The following TM9SF2 variants were observed in gnomAD, a reference collection of about 807,000 sequenced individuals.
TM9SF2 encodes transmembrane 9 superfamily member 2, also known as 76 kDa membrane protein.
A neutral mutation model predicts 84.9 loss-of-function variants in TM9SF2; 13 were observed. That is an observed-to-expected ratio of 0.15 (90% CI 0.10 to 0.24). The LOEUF is 0.24. Among genes scored for constraint, TM9SF2 ranks in the 10% least tolerant of loss-of-function variants. The pLI is 1.00. For synonymous variants in TM9SF2, 273 were observed against 285.8 expected, an observed-to-expected ratio of 0.96 and a Z score of 0.45; for missense variants, 562 against 818.5, an observed-to-expected ratio of 0.69 and a Z score of 3.82.
At chr13:99,551,790 A>G (rs1198790081) in intron 12 of TM9SF2, among the ~76,000 whole-genome samples, 1 of 152,244 alleles carries the variant, frequency 6.6e-6, no homozygotes, top group African/African-American at 2.4e-5. Context: ...TGCAGGTCAA[A>G]TGAAAACCAA....
chr13:99,548,811 A>C (rs1234223283), intron 11 of TM9SF2, among the ~76,000 whole-genome samples: 1 of 152,216 alleles, frequency 6.6e-6, no homozygotes, highest in African/African-American at 2.4e-5. Context: ...ACAAATTCTG[A>C]AACTGACTGC....
At position 99,501,569 on chromosome 13, in the gene TM9SF2, C is replaced by A. The variant is rs200234365; in HGVS notation, c.-38C>A. 8 of 1,598,858 alleles carry A rather than the reference C, an allele frequency of 5.0e-6. No homozygotes were observed. In the African/African-American group the frequency reaches 6.8e-5, roughly 14 times the overall value. On this transcript the variant is annotated 5_prime_UTR_variant, in exon 1 of 17. Transcript: ENST00000376387. The stretch of plus-strand genomic sequence containing the variant: ...TCCCCACCCCTCCTTCCCTCTTGAC[C>A]CCCTAGGTTTGATTGCCCTTTCCCC...
At chr13:99,557,016 T>C (rs1555341261) in intron 15 of TM9SF2, among the ~76,000 whole-genome samples, 1 of 152,232 alleles carries the variant, frequency 6.6e-6, no homozygotes, top group Non-Finnish European at 1.5e-5. Context: ...AAGTGTTCGT[T>C]TGAATACCTG....
rs764856311 is a variant in TM9SF2 at position 99,562,710 on chromosome 13, A to C, written c.1944A>C (p.Ala648=). 8.7e-6 allele frequency: 14 copies of C among 1,613,294 alleles called. No homozygotes were observed. The East Asian group carries it at 2.9e-4, about 33-fold the overall frequency. Reference sequence around the variant, plus strand: ...TTATAGGAACAATTGGCTTCTTTGCATGCTTTTGGTTTGTTACCAAAATAT... The same window carrying C: ...TTATAGGAACAATTGGCTTCTTTGCCTGCTTTTGGTTTGTTACCAAAATAT... ...FLFTGTIGFF[A]CFWFVTKIYS... Residue 648 remains alanine, a synonymous_variant, in exon 17 of 17, where the codon GCA becomes GCC. Coordinates refer to ENST00000376387, the MANE Select transcript of TM9SF2 (RefSeq NM_004800.3).
chr13:99,554,106 G>A (rs1029424442), intron 13 of TM9SF2, among the ~76,000 whole-genome samples, 198 bp from the exon 14 acceptor site: 1 of 152,176 alleles, frequency 6.6e-6, no homozygotes. Flanking sequence ...TGTTCCAGTA[G>A]ACAGACTGAG....
In TM9SF2 at chr13:99,537,475, G is replaced by A. The variant is rs560198687; in HGVS notation, c.592-264G>A. On this transcript the variant is annotated intron_variant, in intron 5 of 16. Coordinates refer to ENST00000376387, the MANE Select transcript of TM9SF2 (RefSeq NM_004800.3). ...TTATTTTGTTTCATTTTAAATGAAA[G>A]GCTAGAAAATACTAGATTAGTGTTC... 2.2e-3 allele frequency among the ~76,000 whole-genome samples: 332 copies of A among 152,122 alleles called. 1 individual carries two copies. The highest frequency in any genetic ancestry group is 4.1e-3 in the Non-Finnish European group (279 of 67,970).
intron 4 of TM9SF2, among the ~76,000 whole-genome samples, chr13:99,530,770 A>G (rs1873848281): frequency 6.6e-6 from 1 of 152,224 alleles, no homozygotes; most frequent in African/African-American, 2.4e-5. Context: ...CAAATTCTGT[A>G]CCAGTTTGTA....
intron 1 of TM9SF2, among the ~76,000 whole-genome samples, chr13:99,508,333 G>A (rs1456622154): frequency 6.6e-6 from 1 of 151,148 alleles, no homozygotes; most frequent in African/African-American, 2.4e-5. Flanking sequence ...GCAAATTTCT[G>A]GGAGGAGATG....
chr13:99,543,433 A>G (rs961970333), intron 9 of TM9SF2, among the ~76,000 whole-genome samples: 1 of 152,238 alleles, frequency 6.6e-6, no homozygotes, highest in East Asian at 1.9e-4. Flanking sequence ...ATGAATGTTT[A>G]CATCCATGCT....
At chr13:99,516,995 A>T (rs2046137380) in intron 1 of TM9SF2, among the ~76,000 whole-genome samples, 1 of 152,232 alleles carries the variant, frequency 6.6e-6, no homozygotes, top group African/African-American at 2.4e-5. Context: ...CATCTATATT[A>T]ATATGATAAA....
chr13:99,562,260 C>T (rs2046347680), intron 16 of TM9SF2, among the ~76,000 whole-genome samples: 1 of 152,188 alleles, frequency 6.6e-6, no homozygotes, highest in South Asian at 2.1e-4. Flanking sequence ...TCTTTGAAGA[C>T]TGATAACTTC....
chr13:99,524,978 GAA>G (rs2046175944), intron 3 of TM9SF2, among the ~76,000 whole-genome samples: 1 of 152,010 alleles, frequency 6.6e-6, no homozygotes, highest in Non-Finnish European at 1.5e-5. Flanking sequence ...GCCGAGGCAA[GAA>G]AGTGTTTCTA....
At chr13:99,541,773 AAAAAACAAAAAC>A in intron 9 of TM9SF2, 106 bp downstream of exon 9, 2 of 707,818 alleles carry the variant, frequency 2.8e-6, no homozygotes, top group South Asian at 5.0e-5. Context: ...AACATTCTTC[AAAAAACAAAAAC>A]AAAAACAAAA....
At chr13:99,526,471 A>C (rs2046184060) in intron 3 of TM9SF2, among the ~76,000 whole-genome samples, 1 of 152,194 alleles carries the variant, frequency 6.6e-6, no homozygotes, top group African/African-American at 2.4e-5. Flanking sequence ...CAAAAGGAGT[A>C]AGAGACAGTG....
At chr13:99,554,033 G>A (rs1423654961) in intron 13 of TM9SF2, among the ~76,000 whole-genome samples, 1 of 152,148 alleles carries the variant, frequency 6.6e-6, no homozygotes, top group African/African-American at 2.4e-5. Context: ...CTTATCTCCT[G>A]TGTACTTTTT....
chr13:99,527,498 C>T (rs570225504), intron 3 of TM9SF2, among the ~76,000 whole-genome samples: 1 of 152,220 alleles, frequency 6.6e-6, no homozygotes, highest in South Asian at 2.1e-4. Flanking sequence ...ACAAGAACAG[C>T]GTGGGGTACC....
intron 3 of TM9SF2, among the ~76,000 whole-genome samples, chr13:99,521,331 C>A (rs1331674668): frequency 6.6e-6 from 1 of 152,148 alleles, no homozygotes; most frequent in African/African-American, 2.4e-5. Context: ...AACTCTCTAC[C>A]ATGGGCATCT....
At chr13:99,539,189 A>T (rs754513733) in intron 6 of TM9SF2, among the ~76,000 whole-genome samples, 19 of 151,486 alleles carry the variant, frequency 1.3e-4, no homozygotes, top group Non-Finnish European at 2.4e-4. Context: ...AGGCCTGGGT[A>T]AGAGAGCAAG....
Position 99,536,720 on chromosome 13 carries a change from G to A in TM9SF2, c.574G>A (p.Asp192Asn). Residue 192 changes from aspartate (D) to asparagine (N), a missense_variant, in exon 5 of 17, where the codon GAT (aspartate) becomes AAT (asparagine). By Grantham distance (23) the Asp-to-Asn change is conservative (BLOSUM62 1). Around this residue, in one of 4 missense-constraint regions of TM9SF2, gnomAD observed 267 missense variants for 316.7 expected, o/e 0.84. Coordinates refer to ENST00000376387, the MANE Select transcript of TM9SF2 (RefSeq NM_004800.3). ...CATTACAGATAAAGGCCATGCAAAA[G>A]ATGCCTGTGTTATTAGTGTAAGTTC... is the stretch of plus-strand genomic sequence containing the variant. ...CYITDKGHAK[D>N]ACVISSDFHE... The A allele has an allele frequency of 6.2e-7, 1 of 1,613,534 alleles. No individual in the cohort carries two copies. The highest frequency in any genetic ancestry group is 8.5e-7 in the Non-Finnish European group (1 of 1,179,652).
Sources: gnomAD v4.1 joint callset for allele counts (sites outside exome capture counted in the v4.1 genomes callset) on GRCh38, gnomAD v4.1.1 for gene constraint, gnomAD v4.1.1 regional missense constraint, MANE v1.5 for transcripts, NCBI Gene and HGNC (gene_info 2026-07-23, HGNC 2026-07-21) for gene names.